The following STX8 variants were observed in gnomAD, a reference collection of about 807,000 sequenced individuals.
The protein encoded by STX8 is syntaxin 8.
A neutral mutation model predicts 37.5 loss-of-function variants in STX8; 23 were observed. The ratio of observed to expected loss-of-function variants is 0.61; its 90% CI spans 0.44 to 0.87. The LOEUF (loss-of-function observed/expected upper bound fraction) is 0.87. Ranked by LOEUF, STX8 falls within the 40% of genes least tolerant of loss-of-function variation. The pLI is 0.00. For missense variants in STX8, 313 were observed against 284.7 expected (o/e 1.10, Z -0.71); for synonymous variants, 115 against 99.1 (o/e 1.16, Z -0.95).
intron 4 of STX8, among the ~76,000 whole-genome samples, chr17:9,538,399 T>G (rs1438467239): frequency 6.6e-6 from 1 of 152,128 alleles, no homozygotes; most frequent in African/African-American, 2.4e-5. Context: ...CTATGGGACA[T>G]AAATCATCCT....
At chr17:9,403,609 T>C (rs550727031) in intron 6 of STX8, among the ~76,000 whole-genome samples, 1 of 152,132 alleles carries the variant, frequency 6.6e-6, no homozygotes, top group Non-Finnish European at 1.5e-5. Context: ...TTGGAGGTTA[T>C]GGTGCCGACA....
At chr17:9,305,859 C>T (rs1274481428) in intron 7 of STX8, among the ~76,000 whole-genome samples, 3 of 151,152 alleles carry the variant, frequency 2.0e-5, no homozygotes, top group South Asian at 2.1e-4. Flanking sequence ...ATTCTCCTGC[C>T]GCAGCCTCCT....
At chr17:9,358,813 G>T (rs768849695) in intron 7 of STX8, among the ~76,000 whole-genome samples, 1 of 152,196 alleles carries the variant, frequency 6.6e-6, no homozygotes, top group Non-Finnish European at 1.5e-5. Flanking sequence ...AAACAGGAAA[G>T]GAGAGAGTAG....
At chr17:9,296,628 C>CT (rs1908554916) in intron 7 of STX8, among the ~76,000 whole-genome samples, 1 of 98,364 alleles carries the variant, frequency 1.0e-5, no homozygotes, top group South Asian at 3.0e-4. Flanking sequence ...TGTTGAAAGA[C>CT]TAAAAAAAAA....
chr17:9,373,766 T>C (rs7222098), intron 7 of STX8, among the ~76,000 whole-genome samples: 22,080 of 151,894 alleles, frequency 0.15, 4,793 homozygotes, highest in African/African-American at 0.48. Context: ...ATGGAGAAAC[T>C]CTGTCTCTAC....
At chr17:9,509,603 T>C (rs985479361) in intron 4 of STX8, among the ~76,000 whole-genome samples, 2 of 152,034 alleles carry the variant, frequency 1.3e-5, no homozygotes, top group African/African-American at 4.8e-5. Context: ...TGTGACACTA[T>C]AAAACTCACT....
chr17:9,291,588 G>A (rs1908314253), intron 7 of STX8, among the ~76,000 whole-genome samples: 1 of 151,950 alleles, frequency 6.6e-6, no homozygotes, highest in South Asian at 2.1e-4. Context: ...ATTAGTTTAG[G>A]AATTGGACAT....
chr17:9,544,313 T>C (rs1906407843), intron 4 of STX8, among the ~76,000 whole-genome samples: 3 of 151,932 alleles, frequency 2.0e-5, no homozygotes, highest in Non-Finnish European at 4.4e-5. Flanking sequence ...CAATTTACGG[T>C]TCATCAACCT....
At chr17:9,465,921 T>G (rs961782831) in intron 6 of STX8, among the ~76,000 whole-genome samples, 1 of 152,084 alleles carries the variant, frequency 6.6e-6, no homozygotes, top group African/African-American at 2.4e-5. Context: ...ATGGAGGAAG[T>G]GGGTATCTCT....
chr17:9,430,077 AAT>A lies in STX8; in HGVS notation c.542-51426_542-51425del, dbSNP rs1253603950. On this transcript the variant is annotated intron_variant, in intron 6 of 7. Coordinates refer to ENST00000306357, the MANE Select transcript of STX8 (RefSeq NM_004853.3). The stretch of plus-strand genomic sequence containing the variant: ...TCTATATAATATATATATTCTATAT[AAT>A]ATATATATTCTATATAATATATATA... Among the ~76,000 whole-genome samples the A allele has an allele frequency of 4.6e-5, 3 of 65,342 alleles. 1 individual carries two copies. The highest frequency in any genetic ancestry group is 3.1e-4 in the East Asian group (1 of 3,266). 42.9% of individuals were successfully genotyped at this position (65,342 alleles called of 152,430 possible).
Position 9,522,541 on chromosome 17 carries a change from CAA to C in STX8, c.324-17381_324-17380del, listed in dbSNP as rs33970359. Among the ~76,000 whole-genome samples the C allele has an allele frequency of 1.5e-4, 10 of 66,900 alleles. No homozygotes were observed. In the Admixed American group the frequency reaches 1.9e-3, roughly 13 times the overall value. The allele number at this position is 66,900 out of a possible 152,430, so 43.9% of individuals were successfully genotyped here. On this transcript the variant is annotated intron_variant, in intron 4 of 7. Coordinates refer to ENST00000306357, the MANE Select transcript of STX8 (RefSeq NM_004853.3). ...TGAAACTCCGTCTCTACTAAAAATC[CAA>C]AAAAAAAAAAAAAAAAAAAATTATC...
intron 7 of STX8, among the ~76,000 whole-genome samples, chr17:9,355,586 T>C (rs1910853564): frequency 6.7e-6 from 1 of 148,428 alleles, no homozygotes; most frequent in Admixed American, 6.9e-5. Flanking sequence ...CACTGCAACC[T>C]CCGCCTCCCG....
rs75891890 is a variant in STX8 at position 9,383,174 on chromosome 17, G to A, written c.542-4521C>T. ...ATCTTGACTCCCCAGCTTCCACAAC[G>A]GTGAGAATTTCTATTGTTTATAAGC... On this transcript the variant is annotated intron_variant, in intron 6 of 7. Transcript: ENST00000306357. Among the ~76,000 whole-genome samples the A allele has an allele frequency of 7.7e-3, 1,170 of 152,226 alleles. 21 individuals carry two copies. The highest frequency in any genetic ancestry group is 0.027 in the African/African-American group (1,108 of 41,524).
intron 4 of STX8, among the ~76,000 whole-genome samples, chr17:9,526,076 C>A (rs564024905): frequency 6.6e-6 from 1 of 152,280 alleles, no homozygotes; most frequent in African/African-American, 2.4e-5. Context: ...GTAATACTGT[C>A]CCTGCAAGTG....
At chr17:9,483,128 T>A (rs941353859) in intron 6 of STX8, among the ~76,000 whole-genome samples, 2 of 152,098 alleles carry the variant, frequency 1.3e-5, no homozygotes, top group African/African-American at 4.8e-5. Flanking sequence ...ATTTACTCCC[T>A]TTAGTTCTAG....
At chr17:9,329,604 A>G (rs1909895543) in intron 7 of STX8, among the ~76,000 whole-genome samples, 1 of 152,218 alleles carries the variant, frequency 6.6e-6, no homozygotes, top group Non-Finnish European at 1.5e-5. Flanking sequence ...CAGGCATGTG[A>G]GCAGAGGCAG....
At chr17:9,419,337 A>C (rs1913340363) in intron 6 of STX8, among the ~76,000 whole-genome samples, 1 of 152,162 alleles carries the variant, frequency 6.6e-6, no homozygotes, top group African/African-American at 2.4e-5. Flanking sequence ...TCAGCCTCCC[A>C]AGTAAGCTGG....
chr17:9,540,057 AG>A (rs1248011549), intron 4 of STX8, among the ~76,000 whole-genome samples: 3 of 152,262 alleles, frequency 2.0e-5, no homozygotes, highest in African/African-American at 7.2e-5. Context: ...TGGGGAAAGA[AG>A]GGGAGGTCTC....
chr17:9,524,961 CCAT>C (rs1905505553), intron 4 of STX8, among the ~76,000 whole-genome samples: 1 of 152,064 alleles, frequency 6.6e-6, no homozygotes, highest in Admixed American at 6.5e-5. Context: ...GCATGCACCA[CCAT>C]GTCTGGCTAA....
Sources: gnomAD v4.1 joint callset for allele counts (sites outside exome capture counted in the v4.1 genomes callset) on GRCh38, gnomAD v4.1.1 for gene constraint, MANE v1.5 for transcripts, NCBI Gene and HGNC (gene_info 2026-07-23, HGNC 2026-07-21) for gene names.